Variants in HERC4 observed in about 807,000 individuals in gnomAD.
The protein encoded by HERC4 is probable E3 ubiquitin-protein ligase HERC4.
HERC4 carries 28 observed loss-of-function variants against 124.3 expected under a neutral mutation model. That is an observed-to-expected ratio of 0.23 (90% CI 0.17 to 0.31). The LOEUF (loss-of-function observed/expected upper bound fraction) is 0.31, where lower values mean the gene tolerates loss of function less well. HERC4 is among the 10% of genes least tolerant of loss of function. The pLI, the probability that HERC4 is intolerant of heterozygous loss-of-function variation, is 1.00. For missense variants in HERC4, 713 were observed against 1,229.3 expected (o/e 0.58, Z 6.28); for synonymous variants, 407 against 421.5 (o/e 0.97, Z 0.42).
intron 17 of HERC4, chr10:67,956,105 G>T (rs1464635755): frequency 6.6e-6 from 1 of 152,112 alleles, no homozygotes; most frequent in African/African-American, 2.4e-5. Flanking sequence ...AGATTTGAAG[G>T]TTTTTAATTT....
chr10:67,928,514 A>C (rs1028798091), intron 23 of HERC4, among the ~76,000 whole-genome samples: 1 of 152,178 alleles, frequency 6.6e-6, no homozygotes, highest in Non-Finnish European at 1.5e-5. Context: ...TGGTCCAATT[A>C]TTCTTTAAAA....
chr10:67,939,683 G>T, intron 20 of HERC4, 29 bp from the exon 21 acceptor site: 2 of 1,399,820 alleles, frequency 1.4e-6, no homozygotes, highest in Non-Finnish European at 2.0e-6. Context: ...GTTTCTGAGA[G>T]GAAAAAATTA....
intron 3 of HERC4, among the ~76,000 whole-genome samples, chr10:68,053,082 G>C (rs1252067478): frequency 6.6e-6 from 1 of 152,002 alleles, no homozygotes; most frequent in Non-Finnish European, 1.5e-5. Context: ...TTTTATTCTA[G>C]TCTAGCTGGG....
intron 15 of HERC4, among the ~76,000 whole-genome samples, chr10:67,968,920 T>G (rs2035062733): frequency 6.6e-6 from 1 of 152,138 alleles, no homozygotes; most frequent in South Asian, 2.1e-4. Context: ...TGAATAACAA[T>G]TTAAACCAAC....
At chr10:67,989,945 T>A (rs1343836561) in intron 14 of HERC4, among the ~76,000 whole-genome samples, 1 of 152,094 alleles carries the variant, frequency 6.6e-6, no homozygotes, top group Non-Finnish European at 1.5e-5. Flanking sequence ...GGGAAAGGAA[T>A]ACGGGTGACA....
At chr10:67,969,588 G>A (rs1208864993) in intron 15 of HERC4, among the ~76,000 whole-genome samples, 1 of 152,158 alleles carries the variant, frequency 6.6e-6, no homozygotes, top group Non-Finnish European at 1.5e-5. Flanking sequence ...CTTTCACACA[G>A]AGCAAAAGCC....
chr10:68,011,798 G>T (rs1418854555), intron 9 of HERC4, among the ~76,000 whole-genome samples: 1 of 152,204 alleles, frequency 6.6e-6, no homozygotes, highest in African/African-American at 2.4e-5. Flanking sequence ...AGATGCATTA[G>T]ACCCTAAAAG....
intron 9 of HERC4, among the ~76,000 whole-genome samples, chr10:68,007,125 A>G (rs534251): frequency 0.97 from 147,201 of 152,166 alleles, 71,390 homozygotes; most frequent in East Asian, 1. Context: ...GCCCTTTTGA[A>G]GCTATTTTCT....
chr10:68,022,332 T>C, intron 8 of HERC4, among the ~76,000 whole-genome samples: 1 of 151,996 alleles, frequency 6.6e-6, no homozygotes. Context: ...AAACCCCATC[T>C]CTACTAAAAA....
At chr10:68,030,269 A>G (rs1041211330) in intron 7 of HERC4, among the ~76,000 whole-genome samples, 2 of 151,686 alleles carry the variant, frequency 1.3e-5, no homozygotes, top group African/African-American at 4.8e-5. Context: ...GTGAAACCCC[A>G]TCTCTACAAA....
At chr10:68,055,171 T>A (rs1251429282) in intron 3 of HERC4, among the ~76,000 whole-genome samples, 2 of 152,188 alleles carry the variant, frequency 1.3e-5, no homozygotes, top group Non-Finnish European at 2.9e-5. Flanking sequence ...ATCTCTAACA[T>A]GATGGACTTA....
intron 10 of HERC4, 29 bp downstream of exon 10, chr10:67,992,577 T>C (rs986591637): frequency 1.6e-6 from 2 of 1,266,586 alleles, no homozygotes; most frequent in African/African-American, 1.5e-5. Context: ...ATTGGAGCTA[T>C]TTAATTATTT....
At chr10:68,062,718 C>A (rs1349955427) in intron 3 of HERC4, among the ~76,000 whole-genome samples, 2 of 152,036 alleles carry the variant, frequency 1.3e-5, no homozygotes, top group African/African-American at 4.8e-5. Flanking sequence ...TGGGATCGCA[C>A]CACTGCACTC....
intron 16 of HERC4, among the ~76,000 whole-genome samples, chr10:67,962,876 G>A (rs997952786): frequency 7.2e-5 from 11 of 152,264 alleles, no homozygotes; most frequent in Middle Eastern, 3.4e-3. Context: ...CTGTGTCAAG[G>A]TAGCCAGCAA....
Position 67,963,366 on chromosome 10 carries a change from G to A in HERC4, c.1926+3317C>T, listed in dbSNP as rs536406402. 1.1e-3 allele frequency among the ~76,000 whole-genome samples: 161 copies of A among 152,168 alleles called. 1 individual carries two copies. Among genetic ancestry groups the A allele is most frequent in the Admixed American group, 2.7e-3 (42 of 15,274 alleles). On this transcript the variant is annotated intron_variant, in intron 16 of 24. Transcript: ENST00000373700. Reference sequence around the variant, plus strand: ...TAAGTAGCTGGGATTACAGGTGCCCGCCACGATGCTTGGCTAATTTTTGTA... The same window carrying A: ...TAAGTAGCTGGGATTACAGGTGCCCACCACGATGCTTGGCTAATTTTTGTA...
At chr10:68,027,040 AATAACTAAATT>A (rs1271972735) in intron 7 of HERC4, among the ~76,000 whole-genome samples, 2 of 152,212 alleles carry the variant, frequency 1.3e-5, no homozygotes, top group African/African-American at 4.8e-5. Flanking sequence ...TAACTAATTA[AATAACTAAATT>A]ATAACTAAAT....
chr10:68,061,482 G>A (rs1176213520), intron 3 of HERC4, among the ~76,000 whole-genome samples: 5 of 126,162 alleles, frequency 4.0e-5, no homozygotes, highest in African/African-American at 6.1e-5. Context: ...GCAGTGAGCC[G>A]CAATCGCGCC....
At chr10:67,986,650 C>T (rs1170820854) in intron 15 of HERC4, among the ~76,000 whole-genome samples, 1 of 152,140 alleles carries the variant, frequency 6.6e-6, no homozygotes, top group Non-Finnish European at 1.5e-5. Context: ...GCCATCACGC[C>T]CAGCCCATAC....
chr10:67,993,850 T>TAGAC (rs1400014069), intron 9 of HERC4: 1 of 152,226 alleles, frequency 6.6e-6, no homozygotes, highest in African/African-American at 2.4e-5. Context: ...GTCCATAGTC[T>TAGAC]ATCCCTGTTA....
Sources: allele counts gnomAD v4.1 joint callset (sites outside exome capture counted in the v4.1 genomes callset), GRCh38; gene constraint gnomAD v4.1.1; transcripts MANE v1.5; gene names NCBI Gene and HGNC (gene_info 2026-07-23, HGNC 2026-07-21).